QRSL1: variants seen among roughly 807,000 people sequenced by gnomAD.
QRSL1 encodes glutaminyl-tRNA amidotransferase subunit QRSL1.
In QRSL1, 54 loss-of-function variants were observed where a neutral mutation model predicts 61.6. The observed-to-expected ratio is 0.88, with a 90% CI of 0.70 to 1.10. The LOEUF (loss-of-function observed/expected upper bound fraction) is 1.10, where lower values mean the gene tolerates loss of function less well. Ranked by LOEUF, QRSL1 falls within the 50% of genes least tolerant of loss-of-function variation. QRSL1 has a pLI of 0.00. For synonymous variants in QRSL1, 228 were observed against 225.7 expected (o/e 1.01, Z -0.09); for missense variants, 505 against 622.6 (o/e 0.81, Z 2.01).
intron 1 of QRSL1, among the ~76,000 whole-genome samples, chr6:106,639,119 G>GTTTTTTTTTTTTTTTTTTTTTTTTTT (rs1177849683): frequency 8.1e-6 from 1 of 122,798 alleles, no homozygotes; most frequent in African/African-American, 3.3e-5. Context: ...GTGTTTTGTT[G>GTTTTTTTTTTTTTTTTTTTTTTTTTT]TTTTTTTTTT....
rs1777157094 is a variant in QRSL1, at chr6:106,649,144, T to C, written c.500T>C (p.Ile167Thr). The change falls in exon 5 of 11, where the codon ATA becomes ACA. Residue 167 changes from isoleucine (I) to threonine (T), a missense_variant. Coordinates refer to ENST00000369046, the MANE Select transcript of QRSL1 (RefSeq NM_018292.5). ...HSENEDSDWL[I>T]TGGSSGGSAA... is the part of the protein sequence containing the mutation. The stretch of plus-strand genomic sequence containing the variant: ...GAGAATGAAGATTCAGACTGGCTGA[T>C]AACTGGAGGAAGCTCAGGTGGGAGT... 1 of 1,614,094 alleles carries C rather than the reference T, an allele frequency of 6.2e-7. No individual in the cohort carries two copies. The highest frequency in any genetic ancestry group is 8.5e-7 in the Non-Finnish European group (1 of 1,180,036).
At chr6:106,641,232 G>T (rs1391289072) in intron 3 of QRSL1, among the ~76,000 whole-genome samples, 1 of 152,114 alleles carries the variant, frequency 6.6e-6, no homozygotes, top group Non-Finnish European at 1.5e-5. Context: ...GCTGAGGTGG[G>T]AGAATCACTT....
chr6:106,643,701 C>A (rs975559353), intron 4 of QRSL1, among the ~76,000 whole-genome samples: 1 of 151,076 alleles, frequency 6.6e-6, no homozygotes, highest in African/African-American at 2.4e-5. Context: ...AAAAAGAATT[C>A]TTTCATATAT....
intron 9 of QRSL1, among the ~76,000 whole-genome samples, chr6:106,657,647 A>G (rs1777292178): frequency 6.6e-6 from 1 of 152,206 alleles, no homozygotes; most frequent in Admixed American, 6.5e-5. Flanking sequence ...AAGTGATAGG[A>G]AAAATGGGAT....
At chr6:106,654,448 A>G (rs1424578231) in intron 7 of QRSL1, among the ~76,000 whole-genome samples, 1 of 143,144 alleles carries the variant, frequency 7.0e-6, no homozygotes, top group Admixed American at 6.9e-5. Flanking sequence ...TTCCTGATAC[A>G]TAATGAGCAT....
chr6:106,656,029 C>T (rs1777265158), intron 9 of QRSL1, among the ~76,000 whole-genome samples: 1 of 152,066 alleles, frequency 6.6e-6, no homozygotes, highest in Non-Finnish European at 1.5e-5. Flanking sequence ...TAACACCCAA[C>T]AATAAAAAGT....
chr6:106,652,401 A>G lies in QRSL1; in HGVS notation c.733+17A>G. On this transcript the variant is annotated intron_variant, in intron 6 of 10. Coordinates refer to ENST00000369046, the MANE Select transcript of QRSL1 (RefSeq NM_018292.5). ...TTGTGTTGGGTATTTATATAATTCT[A>G]TATCATTTGCAACAGCTTCTCTATA... 3 of 1,613,690 alleles carry G rather than the reference A, an allele frequency of 1.9e-6. No homozygotes were observed. Among genetic ancestry groups the G allele is most frequent in the East Asian group, 2.2e-5 (1 of 44,884 alleles).
At chr6:106,644,719 C>T (rs1445841320) in intron 4 of QRSL1, among the ~76,000 whole-genome samples, 5 of 151,768 alleles carry the variant, frequency 3.3e-5, no homozygotes, top group Admixed American at 6.6e-5. Flanking sequence ...GGGGTTTCAC[C>T]GCGTTGGCCA....
At chr6:106,657,022 C>T (rs1038464921) in intron 9 of QRSL1, among the ~76,000 whole-genome samples, 1 of 152,220 alleles carries the variant, frequency 6.6e-6, no homozygotes, top group Non-Finnish European at 1.5e-5. Flanking sequence ...GTAATCCTAG[C>T]ACTTTGGAAG....
intron 2 of QRSL1, 137 bp from the exon 3 acceptor site, chr6:106,640,686 G>T: frequency 1.0e-6 from 1 of 985,894 alleles, no homozygotes; most frequent in Non-Finnish European, 1.5e-6. Context: ...ATGTCCAACT[G>T]TATTAATTTC....
chr6:106,664,818 AT>A lies in QRSL1; in HGVS notation c.1367-957del, dbSNP rs896823387. ...AAAAAGGTACATTTTTCCTTTTATC[AT>A]TTTTTTAAGCAATTTCTGGAGTAAT... On this transcript the variant is annotated intron_variant, in intron 10 of 10. Transcript: ENST00000369046. Among the ~76,000 whole-genome samples the A allele has an allele frequency of 1.2e-4, 18 of 152,198 alleles. No individual in the cohort carries two copies. The South Asian group carries it at 1.7e-3, about 14-fold the overall frequency.
In QRSL1 at chr6:106,667,409, AC is replaced by A. The variant is rs1238567204; in HGVS notation, c.*1408del. The A allele has an allele frequency of 1.3e-5, 2 of 152,212 alleles. No individual in the cohort carries two copies. The highest frequency in any genetic ancestry group is 3.8e-4 in the East Asian group (2 of 5,202). The allele number at this position is 152,212 out of a possible 1,614,324, so 9.4% of individuals were successfully genotyped here. A position where few individuals can be genotyped will look rare whatever the true frequency, so the allele number is the denominator to read the frequency against. On this transcript the variant is annotated 3_prime_UTR_variant, in exon 11 of 11. Coordinates refer to ENST00000369046, the MANE Select transcript of QRSL1 (RefSeq NM_018292.5). ...CATTTACTCATGATAAGGCTTCATC[AC>A]TGGATTTCTGTGTCTTCACTAGAAC...
chr6:106,648,679 T>C (rs1562168639), intron 4 of QRSL1, among the ~76,000 whole-genome samples: 1 of 152,264 alleles, frequency 6.6e-6, no homozygotes, highest in East Asian at 1.9e-4. Context: ...ATAGAACTTC[T>C]GGTTCAGAAG....
In QRSL1 at chr6:106,662,966, C is replaced by T. The variant is rs1389022258; in HGVS notation, c.1161-14C>T. 5 of 1,580,612 alleles carry T rather than the reference C, an allele frequency of 3.2e-6. No homozygotes were observed. Among genetic ancestry groups the T allele is most frequent in the Non-Finnish European group, 4.3e-6 (5 of 1,150,574 alleles). ...AAAAAATCCTTAAAAACATCACCTA[C>T]TTTTTTCCCACAGAAACTATGAAAA... On this transcript the variant is annotated splice_polypyrimidine_tract_variant and intron_variant, in intron 9 of 10. Transcript: ENST00000369046.
intron 4 of QRSL1, among the ~76,000 whole-genome samples, chr6:106,646,466 G>A (rs970141225): frequency 1.3e-5 from 2 of 152,064 alleles, no homozygotes; most frequent in Non-Finnish European, 2.9e-5. Context: ...CAGGATAAGA[G>A]ATAAAGAAAG....
At chr6:106,637,190 G>A (rs913163384) in intron 1 of QRSL1, among the ~76,000 whole-genome samples, 1 of 152,248 alleles carries the variant, frequency 6.6e-6, no homozygotes, top group Non-Finnish European at 1.5e-5. Flanking sequence ...GGATAGTAAA[G>A]TAAGTGAGCT....
intron 1 of QRSL1, among the ~76,000 whole-genome samples, chr6:106,637,890 A>AT (rs1344149056): frequency 6.6e-6 from 1 of 151,560 alleles, no homozygotes; most frequent in Non-Finnish European, 1.5e-5. Flanking sequence ...TCCCTTATTG[A>AT]TTTTTTTTCT....
rs778001168 is a variant in QRSL1 at position 106,665,858 on chromosome 6, G to A, written c.1443G>A (p.Ala481=). Residue 481 remains alanine (A), a synonymous_variant, in exon 11 of 11, where the codon GCG becomes GCA. Coordinates refer to ENST00000369046, the MANE Select transcript of QRSL1 (RefSeq NM_018292.5). ...LPIGLQFIGR[A]FCDQQLLTVA... Reference sequence around the variant, plus strand: ...TAGGACTGCAGTTTATTGGACGTGCGTTTTGTGACCAGCAGCTTCTTACAG... The same window carrying A: ...TAGGACTGCAGTTTATTGGACGTGCATTTTGTGACCAGCAGCTTCTTACAG... 14 of 1,613,796 alleles carry A rather than the reference G, an allele frequency of 8.7e-6. No homozygotes were observed. The highest frequency in any genetic ancestry group is 6.6e-5 in the South Asian group (6 of 91,070).
Position 106,647,892 on chromosome 6 carries a change from C to T in QRSL1, c.381-1133C>T, listed in dbSNP as rs1004578176. On this transcript the variant is annotated intron_variant, in intron 4 of 10. Transcript: ENST00000369046. ...GTCTCGATCTCCTGACCTCGTGTTC[C>T]GCCCTCCTCGGCCTCCCAAAGTGCT... is the stretch of plus-strand genomic sequence containing the variant. Among the ~76,000 whole-genome samples, 10 of 150,774 alleles carry T rather than the reference C, an allele frequency of 6.6e-5. No homozygotes were observed. In the East Asian group the frequency reaches 1.9e-3, roughly 28 times the overall value.
Sources: allele counts gnomAD v4.1 joint callset (sites outside exome capture counted in the v4.1 genomes callset), GRCh38; gene constraint gnomAD v4.1.1; transcripts MANE v1.5; gene names NCBI Gene and HGNC (gene_info 2026-07-23, HGNC 2026-07-21).